Variants in MICAL3 observed in about 807,000 individuals in gnomAD.
MICAL3 encodes the protein [F-actin]-monooxygenase MICAL3.
MICAL3 carries 62 observed loss-of-function variants against 207.4 expected under a neutral mutation model. That is an observed-to-expected ratio of 0.30 (90% CI 0.24 to 0.37). The LOEUF (loss-of-function observed/expected upper bound fraction) is 0.37. MICAL3 is among the 10% of genes least tolerant of loss of function. The pLI is 1.00. For synonymous variants in MICAL3, 1,077 were observed against 1,069.3 expected (o/e 1.01, Z -0.14); for missense variants, 2,368 against 2,635.6 (o/e 0.90, Z 2.22).
At chr22:17,890,893 A>G (rs1171201210) in intron 12 of MICAL3, among the ~76,000 whole-genome samples, 1 of 152,200 alleles carries the variant, frequency 6.6e-6, no homozygotes, top group East Asian at 1.9e-4. Context: ...GATTCTGTAG[A>G]CAGGTGAGTG....
At chr22:17,808,502 G>A (rs1010504357) in intron 29 of MICAL3, among the ~76,000 whole-genome samples, 4 of 152,170 alleles carry the variant, frequency 2.6e-5, no homozygotes, top group South Asian at 2.1e-4. Flanking sequence ...GGTTCCTTGC[G>A]GTTCAATCTC....
At chr22:18,018,408 G>T (rs1003213860) in intron 1 of MICAL3, among the ~76,000 whole-genome samples, 2 of 152,034 alleles carry the variant, frequency 1.3e-5, no homozygotes, top group South Asian at 4.1e-4. Context: ...TTTGCATCAC[G>T]ATTCAGTGTA....
At chr22:17,927,654 T>C (rs1027887619) in intron 1 of MICAL3, among the ~76,000 whole-genome samples, 7 of 152,128 alleles carry the variant, frequency 4.6e-5, no homozygotes, top group African/African-American at 1.7e-4. Context: ...CAGTTTCTTT[T>C]CACAGCCTAG....
chr22:17,881,337 T>TCC, intron 16 of MICAL3: 1 of 1,546,120 alleles, frequency 6.5e-7, no homozygotes, highest in Non-Finnish European at 8.9e-7. Context: ...AGAGAGAACA[T>TCC]CATTCAAACA....
intron 1 of MICAL3, among the ~76,000 whole-genome samples, chr22:17,907,943 T>C (rs575106428): frequency 2.0e-5 from 3 of 152,290 alleles, no homozygotes; most frequent in African/African-American, 7.2e-5. Flanking sequence ...CTTCCACCTA[T>C]GGAAATGTCC....
At chr22:17,982,095 A>G (rs1935935265) in intron 1 of MICAL3, among the ~76,000 whole-genome samples, 1 of 148,492 alleles carries the variant, frequency 6.7e-6, no homozygotes, top group Admixed American at 6.7e-5. Flanking sequence ...ACAGAGCAAG[A>G]CCTTGTCTCA....
chr22:17,823,099 G>T, intron 22 of MICAL3, 39 bp from the exon 23 acceptor site: 1 of 1,367,248 alleles, frequency 7.3e-7, no homozygotes. Flanking sequence ...AAGAAAAGGA[G>T]GACAGACAGA....
At chr22:17,956,848 T>C (rs1249626239) in intron 1 of MICAL3, among the ~76,000 whole-genome samples, 1 of 152,118 alleles carries the variant, frequency 6.6e-6, no homozygotes, top group Non-Finnish European at 1.5e-5. Flanking sequence ...TGGAGAAAGA[T>C]TTCCTTCTTA....
At chr22:17,983,666 G>C (rs1936027451) in intron 1 of MICAL3, 1 of 152,816 alleles carries the variant, frequency 6.5e-6, no homozygotes, top group Non-Finnish European at 1.5e-5. Flanking sequence ...CAGGTCTTCT[G>C]GTCCACGCCT....
chr22:18,003,775 A>C (rs532383880), intron 1 of MICAL3, among the ~76,000 whole-genome samples: 7 of 143,268 alleles, frequency 4.9e-5, no homozygotes, highest in Admixed American at 2.1e-4. Context: ...CCCTTTCTTT[A>C]TTTTTTTTTT....
In MICAL3 at chr22:17,887,011, A is replaced by G. The variant is rs11089207; in HGVS notation, c.2067+159T>C. Among the ~76,000 whole-genome samples the G allele has an allele frequency of 9.1e-3, 1,350 of 149,122 alleles. 29 individuals are homozygous for G. The highest frequency in any genetic ancestry group is 0.03 in the African/African-American group (1,229 of 40,536). On this transcript the variant is annotated intron_variant, in intron 15 of 31. Coordinates refer to ENST00000441493, the MANE Select transcript of MICAL3 (RefSeq NM_015241.3). The stretch of plus-strand genomic sequence containing the variant: ...CTCAAAAAAAAAAAAAAAAAAAAAA[A>G]AAAAAGAAAATAAAAAAAAGAAAAG...
intron 22 of MICAL3, among the ~76,000 whole-genome samples, chr22:17,824,112 C>T (rs111793469): frequency 5.6e-4 from 85 of 152,282 alleles, no homozygotes; most frequent in African/African-American, 1.8e-3. Context: ...TCCCACACTC[C>T]GAACTTGCAC....
rs555402646 is a variant in MICAL3 at position 17,877,977 on chromosome 22, C to G, written c.2242-5954G>C. 2.0e-5 allele frequency among the ~76,000 whole-genome samples: 3 copies of G among 152,272 alleles called. No homozygotes were observed. In the East Asian group the frequency reaches 5.8e-4, roughly 29 times the overall value. The stretch of plus-strand genomic sequence containing the variant: ...ATGCCATTCTCCTGCCTCAGCCTCC[C>G]CAGTGGCGGAGACTACAGGCACCCG... On this transcript the variant is annotated intron_variant, in intron 16 of 31. Coordinates refer to ENST00000441493, the MANE Select transcript of MICAL3 (RefSeq NM_015241.3).
At chr22:17,996,727 G>T (rs906853846) in intron 1 of MICAL3, among the ~76,000 whole-genome samples, 2 of 152,144 alleles carry the variant, frequency 1.3e-5, no homozygotes, top group Non-Finnish European at 2.9e-5. Flanking sequence ...GAGAGAGGGG[G>T]AAGTCCACAG....
At chr22:17,848,643 C>G (rs576954609) in intron 19 of MICAL3, among the ~76,000 whole-genome samples, 40 of 152,324 alleles carry the variant, frequency 2.6e-4, no homozygotes, top group African/African-American at 8.2e-4. Context: ...TGGGTCACTA[C>G]CTGCCTCGGG....
At chr22:17,849,123 G>A (rs1216728537) in intron 19 of MICAL3, among the ~76,000 whole-genome samples, 2 of 152,222 alleles carry the variant, frequency 1.3e-5, no homozygotes, top group Non-Finnish European at 2.9e-5. Context: ...AGGCGATGAG[G>A]GATAAGCAGC....
intron 16 of MICAL3, among the ~76,000 whole-genome samples, chr22:17,880,341 A>G (rs995556721): frequency 2.0e-5 from 3 of 152,216 alleles, no homozygotes; most frequent in Admixed American, 6.5e-5. Context: ...ACGGAGACAC[A>G]GCTTGAGAAG....
chr22:17,790,698 G>C lies in MICAL3; in HGVS notation c.*34C>G. Reference sequence around the variant, plus strand: ...TTGGATGCCACTGCCTGGCCAGGCGGATGCCAACAGAAAATGGAGCGTTGG... The same window carrying C: ...TTGGATGCCACTGCCTGGCCAGGCGCATGCCAACAGAAAATGGAGCGTTGG... On this transcript the variant is annotated 3_prime_UTR_variant, in exon 32 of 32. Transcript: ENST00000441493. The C allele has an allele frequency of 6.4e-7, 1 of 1,554,096 alleles. No homozygotes were observed. Among genetic ancestry groups the C allele is most frequent in the Non-Finnish European group, 8.7e-7 (1 of 1,147,048 alleles).
chr22:17,864,184 G>A (rs559023004), intron 19 of MICAL3: 2 of 990,998 alleles, frequency 2.0e-6, no homozygotes, highest in East Asian at 1.1e-4. Flanking sequence ...GTCATGCTAT[G>A]ACAAGAATAA....
Sources: gnomAD v4.1 joint callset for allele counts (sites outside exome capture counted in the v4.1 genomes callset) on GRCh38, gnomAD v4.1.1 for gene constraint, MANE v1.5 for transcripts, NCBI Gene and HGNC (gene_info 2026-07-23, HGNC 2026-07-21) for gene names.